TMEM135: variants seen among roughly 807,000 people sequenced by gnomAD.
TMEM135 encodes transmembrane protein 135.
In TMEM135, 30 loss-of-function variants were observed where a neutral mutation model predicts 60.3. The ratio of observed to expected loss-of-function variants is 0.50; its 90% CI spans 0.37 to 0.68. The LOEUF (loss-of-function observed/expected upper bound fraction) is 0.68, where lower values mean the gene tolerates loss of function less well. Among genes scored for constraint, TMEM135 ranks in the 30% least tolerant of loss-of-function variants. The pLI is 0.00. For missense variants in TMEM135, 468 were observed against 548.8 expected, an observed-to-expected ratio of 0.85 and a Z score of 1.47; for synonymous variants, 190 against 186.7, an observed-to-expected ratio of 1.02 and a Z score of -0.14.
intron 4 of TMEM135, among the ~76,000 whole-genome samples, chr11:87,107,155 G>A (rs1857618040): frequency 6.6e-6 from 1 of 152,058 alleles, no homozygotes; most frequent in African/African-American, 2.4e-5. Flanking sequence ...TATATCATTG[G>A]TCTATTTAGA....
chr11:87,218,416 T>C (rs1026135683), intron 5 of TMEM135, among the ~76,000 whole-genome samples: 15 of 152,190 alleles, frequency 9.9e-5, no homozygotes, highest in African/African-American at 3.4e-4. Flanking sequence ...CCTCATGCTC[T>C]GTACCACCCC....
chr11:87,153,497 T>G (rs376559131), intron 4 of TMEM135, among the ~76,000 whole-genome samples: 4 of 152,242 alleles, frequency 2.6e-5, no homozygotes, highest in Non-Finnish European at 5.9e-5. Context: ...GCTATTCACT[T>G]TCTGGTTTCA....
intron 6 of TMEM135, among the ~76,000 whole-genome samples, chr11:87,239,857 G>A (rs1311229463): frequency 1.3e-5 from 2 of 151,866 alleles, no homozygotes; most frequent in Admixed American, 6.6e-5. Flanking sequence ...AAAGCAACAC[G>A]TTTTTGATAT....
chr11:87,075,606 A>G (rs1366758626), intron 3 of TMEM135, among the ~76,000 whole-genome samples: 2 of 152,174 alleles, frequency 1.3e-5, no homozygotes, highest in Non-Finnish European at 2.9e-5. Flanking sequence ...CTTTTAATCT[A>G]AGATAGTGTC....
intron 4 of TMEM135, among the ~76,000 whole-genome samples, chr11:87,136,259 T>C (rs1241806345): frequency 6.6e-6 from 1 of 152,084 alleles, no homozygotes; most frequent in Non-Finnish European, 1.5e-5. Flanking sequence ...CAGATGCTTT[T>C]TCTGTATCTA....
At chr11:87,248,020 TAA>T (rs937741409) in intron 6 of TMEM135, among the ~76,000 whole-genome samples, 4 of 20,222 alleles carry the variant, frequency 2.0e-4, no homozygotes, top group Admixed American at 3.5e-4. Flanking sequence ...ATAGCCTTTT[TAA>T]AAAAAAAAAA....
intron 5 of TMEM135, among the ~76,000 whole-genome samples, chr11:87,174,627 G>T (rs1333889365): frequency 6.6e-6 from 1 of 152,092 alleles, no homozygotes; most frequent in Admixed American, 6.6e-5. Flanking sequence ...AAAGGAAAGA[G>T]ATATGATATG....
chr11:87,302,276 C>T lies in TMEM135; in HGVS notation c.552-20C>T. ...CTATTTTTAAGTGAAAAATGCCTCA[C>T]ATTGTGCTCTTTTCTTTAGGTTCAT... On this transcript the variant is annotated intron_variant, in intron 7 of 14. Coordinates refer to ENST00000305494, the MANE Select transcript of TMEM135 (RefSeq NM_022918.4). The T allele has an allele frequency of 6.2e-7, 1 of 1,612,240 alleles. No individual in the cohort carries two copies. Among genetic ancestry groups the T allele is most frequent in the African/African-American group, 1.3e-5 (1 of 74,870 alleles).
chr11:87,195,350 C>CTTCT (rs1939915898), intron 5 of TMEM135, among the ~76,000 whole-genome samples: 1 of 115,542 alleles, frequency 8.7e-6, no homozygotes, highest in African/African-American at 3.3e-5. Context: ...TCCTTCCTTC[C>CTTCT]TTCCTTCCTT....
At chr11:87,171,471 A>T (rs1939235436) in intron 5 of TMEM135, among the ~76,000 whole-genome samples, 1 of 152,140 alleles carries the variant, frequency 6.6e-6, no homozygotes, top group Admixed American at 6.5e-5. Context: ...ATGCTAAGCC[A>T]GTACTGCAAA....
rs1246818508 is a variant in TMEM135 at position 87,062,163 on chromosome 11, G to A, written c.142-5531G>A. 3.3e-5 allele frequency among the ~76,000 whole-genome samples: 5 copies of A among 151,554 alleles called. No homozygotes were observed. In the East Asian group the frequency reaches 5.9e-4, roughly 18 times the overall value. On this transcript the variant is annotated intron_variant, in intron 1 of 14. Coordinates refer to ENST00000305494, the MANE Select transcript of TMEM135 (RefSeq NM_022918.4). ...TGGGATTACAGGGACACACCACCAC[G>A]CCTGGCTAATTTTTGTATTTTTAGT... is the stretch of plus-strand genomic sequence containing the variant.
intron 6 of TMEM135, among the ~76,000 whole-genome samples, chr11:87,288,620 A>G (rs1005817829): frequency 3.3e-5 from 5 of 152,162 alleles, no homozygotes; most frequent in Non-Finnish European, 7.3e-5. Flanking sequence ...TTTCAGAATT[A>G]TAAATCATTT....
intron 5 of TMEM135, among the ~76,000 whole-genome samples, chr11:87,190,146 T>G (rs773044363): frequency 5.3e-5 from 8 of 152,306 alleles, no homozygotes; most frequent in African/African-American, 1.9e-4. Flanking sequence ...AGGTTCTACT[T>G]GTCAAATTCT....
chr11:87,095,075 A>C lies in TMEM135; in HGVS notation c.396+3680A>C, dbSNP rs1205211086. ...CCTTCTTCCACAGCAAAAGCATTTT[A>C]CTTTATCACCTTTACCTAAAGCATA... On this transcript the variant is annotated intron_variant, in intron 4 of 14. Transcript: ENST00000305494. 1.6e-5 allele frequency: 3 copies of C among 192,208 alleles called. No homozygotes were observed. The South Asian group carries it at 3.5e-4, about 22-fold the overall frequency. The allele number at this position is 192,208 out of a possible 1,614,324, so 11.9% of individuals were successfully genotyped here.
chr11:87,124,814 T>A (rs1315602803), intron 4 of TMEM135, among the ~76,000 whole-genome samples: 1 of 152,174 alleles, frequency 6.6e-6, no homozygotes, highest in Non-Finnish European at 1.5e-5. Context: ...CTTTTTCCCC[T>A]CTATGCCTTC....
intron 6 of TMEM135, among the ~76,000 whole-genome samples, chr11:87,251,432 T>G (rs1480767063): frequency 6.6e-6 from 1 of 152,166 alleles, no homozygotes; most frequent in East Asian, 1.9e-4. Flanking sequence ...GCTGTCTGAC[T>G]TTAGACGAAT....
chr11:87,062,160 C>A (rs373708953), intron 1 of TMEM135, among the ~76,000 whole-genome samples: 2 of 151,306 alleles, frequency 1.3e-5, no homozygotes, highest in African/African-American at 2.4e-5. Context: ...GACACACCAC[C>A]ACGCCTGGCT....
intron 1 of TMEM135, among the ~76,000 whole-genome samples, chr11:87,041,816 A>G (rs761809090): frequency 2.0e-5 from 3 of 152,246 alleles, no homozygotes; most frequent in Non-Finnish European, 2.9e-5. Context: ...GCCAGAGAAG[A>G]TGAAAGGGCA....
chr11:87,321,168 T>G (rs763980403), intron 14 of TMEM135, 33 bp from the exon 15 acceptor site: 2 of 1,576,578 alleles, frequency 1.3e-6, no homozygotes, highest in Non-Finnish European at 1.7e-6. Flanking sequence ...TAAACTATAT[T>G]AATACTTGTT....
Sources: gnomAD v4.1 joint callset for allele counts (sites outside exome capture counted in the v4.1 genomes callset) on GRCh38, gnomAD v4.1.1 for gene constraint, MANE v1.5 for transcripts, NCBI Gene and HGNC (gene_info 2026-07-23, HGNC 2026-07-21) for gene names.